Variants in CRPPA observed in about 807,000 individuals in gnomAD.
CRPPA encodes the protein D-ribitol-5-phosphate cytidylyltransferase.
A neutral mutation model predicts 52.0 loss-of-function variants in CRPPA; 43 were observed. The observed-to-expected ratio is 0.83, with a 90% CI of 0.65 to 1.07. CRPPA has a LOEUF of 1.07. Ranked by LOEUF, CRPPA falls within the 50% of genes least tolerant of loss-of-function variation. The probability of loss-of-function intolerance (pLI) is 0.00; values close to 1 mark genes in which losing one functional copy is unlikely to be tolerated. For synonymous variants in CRPPA, 250 were observed against 203.5 expected, an observed-to-expected ratio of 1.23 and a Z score of -1.94; for missense variants, 629 against 551.7, an observed-to-expected ratio of 1.14 and a Z score of -1.40.
intron 9 of CRPPA, among the ~76,000 whole-genome samples, chr7:16,169,640 C>A (rs1039296507): frequency 6.6e-6 from 1 of 152,238 alleles, no homozygotes; most frequent in Non-Finnish European, 1.5e-5. Context: ...AGCTAACTCA[C>A]AGCGTGAGTC....
intron 6 of CRPPA, among the ~76,000 whole-genome samples, 197 bp downstream of exon 6, chr7:16,277,932 C>T (rs981872816): frequency 6.6e-6 from 1 of 152,058 alleles, no homozygotes; most frequent in African/African-American, 2.4e-5. Flanking sequence ...GGAAAAAAAT[C>T]CACAAAAGGA....
intron 5 of CRPPA, among the ~76,000 whole-genome samples, chr7:16,292,198 T>C (rs76675017): frequency 0.024 from 3,591 of 152,026 alleles, 131 homozygotes; most frequent in African/African-American, 0.082. Flanking sequence ...GCTACAGATA[T>C]AGAACTTAAA....
At chr7:16,239,559 C>CAAAAAAAAAAAAA (rs751232682) in intron 8 of CRPPA, among the ~76,000 whole-genome samples, 19 of 47,614 alleles carry the variant, frequency 4.0e-4, no homozygotes, top group East Asian at 1.7e-3. Context: ...AAGTCAATAG[C>CAAAAAAAAAAAAA]AAAAAAAAAA....
chr7:16,351,472 C>T (rs987931077), intron 3 of CRPPA, among the ~76,000 whole-genome samples: 5 of 151,992 alleles, frequency 3.3e-5, no homozygotes, highest in Admixed American at 2.6e-4. Flanking sequence ...AGTGAACAGG[C>T]AACCTACAGA....
intron 8 of CRPPA, among the ~76,000 whole-genome samples, chr7:16,254,882 A>C (rs1298111169): frequency 6.6e-6 from 1 of 152,136 alleles, no homozygotes; most frequent in East Asian, 1.9e-4. Context: ...GGCAGGCACA[A>C]GATAAGGATG....
chr7:16,314,954 T>TA (rs946053878), intron 3 of CRPPA, among the ~76,000 whole-genome samples: 1 of 152,138 alleles, frequency 6.6e-6, no homozygotes, highest in Non-Finnish European at 1.5e-5. Flanking sequence ...CAGTCATTGT[T>TA]ACTTCAAATA....
chr7:16,113,733 C>A (rs752084651), intron 9 of CRPPA, among the ~76,000 whole-genome samples: 1 of 151,442 alleles, frequency 6.6e-6, no homozygotes, highest in East Asian at 2.0e-4. Flanking sequence ...CCTCCACACA[C>A]CAACATTATT....
chr7:16,198,286 T>C (rs1320105351), intron 9 of CRPPA, among the ~76,000 whole-genome samples: 2 of 28,700 alleles, frequency 7.0e-5, no homozygotes, highest in Non-Finnish European at 1.3e-4. Context: ...TCTACTGAGA[T>C]AGGGAAAAAC....
chr7:16,089,173 C>T lies in CRPPA; in HGVS notation c.*2522G>A, dbSNP rs181802434. On this transcript the variant is annotated 3_prime_UTR_variant, in exon 10 of 10. Transcript: ENST00000407010. ...CATAAAACATAAAAATACATATATA[C>T]GTACGTATATACATATATGTGTGTA... The T allele has an allele frequency of 1.9e-3, 560 of 292,810 alleles. 5 individuals are homozygous for T. The highest frequency in any genetic ancestry group is 0.01 in the African/African-American group (474 of 46,506). 18.1% of individuals were successfully genotyped at this position (292,810 alleles called of 1,614,324 possible). A position where few individuals can be genotyped will look rare whatever the true frequency, so the allele number is the denominator to read the frequency against.
intron 2 of CRPPA, among the ~76,000 whole-genome samples, chr7:16,380,805 T>C (rs1321710631): frequency 6.6e-6 from 1 of 152,226 alleles, no homozygotes; most frequent in East Asian, 1.9e-4. Context: ...TCTCTGATGG[T>C]AGTTCGTATT....
Position 16,138,947 on chromosome 7 carries a change from G to A in CRPPA, c.1252-47148C>T, listed in dbSNP as rs555041534. On this transcript the variant is annotated intron_variant, in intron 9 of 9. Coordinates refer to ENST00000407010, the MANE Select transcript of CRPPA (RefSeq NM_001101426.4). ...CTCCTGAGTAGCTGGGATTACAGGTGCCCGCCACCACACCCAGCTAATTTT... is the reference window on the plus strand; with the variant it reads ...CTCCTGAGTAGCTGGGATTACAGGTACCCGCCACCACACCCAGCTAATTTT... Among the ~76,000 whole-genome samples the A allele has an allele frequency of 1.2e-4, 19 of 152,138 alleles. No homozygotes were observed. In the South Asian group the frequency reaches 3.5e-3, roughly 28 times the overall value.
At chr7:16,290,048 A>G (rs1784528014) in intron 5 of CRPPA, among the ~76,000 whole-genome samples, 3 of 152,140 alleles carry the variant, frequency 2.0e-5, no homozygotes, top group Admixed American at 6.6e-5. Context: ...AGAAATCAGG[A>G]AAGCAATCCC....
chr7:16,286,048 T>TTTAAAAAAAAAAAA (rs1784430795), intron 5 of CRPPA, among the ~76,000 whole-genome samples: 1 of 5,980 alleles, frequency 1.7e-4, no homozygotes, highest in Non-Finnish European at 3.0e-4. Flanking sequence ...AATATAAATA[T>TTTAAAAAAAAAAAA]ATATATATAT....
chr7:16,313,414 G>A (rs1254968700), intron 3 of CRPPA, among the ~76,000 whole-genome samples: 10 of 151,748 alleles, frequency 6.6e-5, no homozygotes, highest in African/African-American at 2.2e-4. Context: ...AATAATGTCC[G>A]TGCTTTCATT....
intron 9 of CRPPA, among the ~76,000 whole-genome samples, chr7:16,162,947 T>G (rs1780939645): frequency 6.6e-6 from 1 of 151,058 alleles, no homozygotes. Context: ...TTCTTTGTCT[T>G]TTTTTTTCTT....
At chr7:16,219,085 G>A (rs951941631) in intron 8 of CRPPA, among the ~76,000 whole-genome samples, 43 of 152,022 alleles carry the variant, frequency 2.8e-4, no homozygotes, top group Non-Finnish European at 4.7e-4. Flanking sequence ...AAATTATAAC[G>A]AATTATCTCT....
At chr7:16,133,000 T>C (rs1223678208) in intron 9 of CRPPA, among the ~76,000 whole-genome samples, 1 of 122,430 alleles carries the variant, frequency 8.2e-6, no homozygotes, top group Non-Finnish European at 1.8e-5. Flanking sequence ...CTACAAAAAA[T>C]ACAAAAATTA....
chr7:16,174,962 A>C (rs1463905795), intron 9 of CRPPA, among the ~76,000 whole-genome samples: 1 of 152,138 alleles, frequency 6.6e-6, no homozygotes, highest in Non-Finnish European at 1.5e-5. Flanking sequence ...CAACTAGAAG[A>C]TATACCTCAG....
chr7:16,256,771 G>A (rs957872597), intron 8 of CRPPA, among the ~76,000 whole-genome samples: 1 of 152,078 alleles, frequency 6.6e-6, no homozygotes, highest in Admixed American at 6.6e-5. Flanking sequence ...TGGGGAGTGG[G>A]GGGCTGGGAG....
Sources: allele counts gnomAD v4.1 joint callset (sites outside exome capture counted in the v4.1 genomes callset), GRCh38; gene constraint gnomAD v4.1.1; transcripts MANE v1.5; gene names NCBI Gene and HGNC (gene_info 2026-07-23, HGNC 2026-07-21).